GIGYF2: variants seen among roughly 807,000 people sequenced by gnomAD.
GIGYF2 encodes GRB10-interacting GYF protein 2.
GIGYF2 carries 25 observed loss-of-function variants against 208.1 expected under a neutral mutation model. That is an observed-to-expected ratio of 0.12 (90% confidence interval 0.09 to 0.17). The LOEUF (loss-of-function observed/expected upper bound fraction) is 0.17. Among genes scored for constraint, GIGYF2 ranks in the 10% least tolerant of loss-of-function variants. GIGYF2 has a pLI of 1.00. For missense variants in GIGYF2, 1,302 were observed against 1,579.4 expected (o/e 0.82, Z 2.98); for synonymous variants, 534 against 543.8 (o/e 0.98, Z 0.25).
chr2:232,740,756 T>C (rs1188121337), intron 3 of GIGYF2, among the ~76,000 whole-genome samples: 1 of 152,176 alleles, frequency 6.6e-6, no homozygotes, highest in African/African-American at 2.4e-5. Flanking sequence ...AAACCTGAGA[T>C]TGATAGCTTC....
intron 21 of GIGYF2, among the ~76,000 whole-genome samples, chr2:232,822,710 A>G (rs1701130004): frequency 6.6e-6 from 1 of 152,112 alleles, no homozygotes; most frequent in Non-Finnish European, 1.5e-5. Flanking sequence ...TTCCAGTTCT[A>G]TGGAATTGGA....
intron 15 of GIGYF2, among the ~76,000 whole-genome samples, chr2:232,807,245 G>A (rs1002556191): frequency 1.3e-5 from 2 of 152,152 alleles, no homozygotes; most frequent in African/African-American, 4.8e-5. Context: ...CCATGGCCGG[G>A]CACATTGGCT....
At chr2:232,801,136 C>A (rs1406624658) in intron 14 of GIGYF2, among the ~76,000 whole-genome samples, 4 of 152,206 alleles carry the variant, frequency 2.6e-5, no homozygotes, top group African/African-American at 9.7e-5. Context: ...GTAAGTGGTA[C>A]TCCCTGTCTT....
chr2:232,723,725 G>GC (rs779789723), intron 2 of GIGYF2, among the ~76,000 whole-genome samples: 1 of 109,472 alleles, frequency 9.1e-6, no homozygotes, highest in African/African-American at 3.5e-5. Context: ...ACTGTGCCCG[G>GC]CCTTTTTTTT....
chr2:232,788,935 A>T (rs990533990), intron 9 of GIGYF2, among the ~76,000 whole-genome samples: 4 of 152,162 alleles, frequency 2.6e-5, no homozygotes, highest in African/African-American at 9.7e-5. Flanking sequence ...AATGCATTTT[A>T]AAAAAGAATA....
rs752923734 is a variant in GIGYF2 at position 232,811,251 on chromosome 2, T to C, written c.1906T>C (p.Tyr636His). ...QYQQFLIQQQ[Y>H]AQVLAQQQKA... is the part of the protein sequence containing the mutation. The stretch of plus-strand genomic sequence containing the variant: ...TTTTTTTACTTTTTGAAGACAACAA[T>C]ATGCACAGGTTTTGGCCCAACAGCA... Residue 636 changes from tyrosine to histidine, a missense_variant, in exon 17 of 29, where the codon TAT becomes CAT. Transcript: ENST00000373563. 6.3e-7 allele frequency: 1 copy of C among 1,587,262 alleles called. No homozygotes were observed. Among genetic ancestry groups the C allele is most frequent in the East Asian group, 2.2e-5 (1 of 44,728 alleles).
intron 2 of GIGYF2, among the ~76,000 whole-genome samples, chr2:232,721,565 C>A (rs1696943982): frequency 6.6e-6 from 1 of 152,152 alleles, no homozygotes; most frequent in African/African-American, 2.4e-5. Context: ...ATTAGGGTGG[C>A]CCTTCTGCCT....
intron 18 of GIGYF2, among the ~76,000 whole-genome samples, chr2:232,814,584 A>C (rs992405468): frequency 1.0e-4 from 13 of 128,438 alleles, no homozygotes; most frequent in Non-Finnish European, 2.2e-4. Context: ...CCCCAAAAAA[A>C]AAGTACCTTC....
At chr2:232,832,693 A>G (rs889338552) in intron 21 of GIGYF2, among the ~76,000 whole-genome samples, 164 bp from the exon 22 acceptor site, 2 of 152,210 alleles carry the variant, frequency 1.3e-5, no homozygotes, top group Non-Finnish European at 2.9e-5. Context: ...TACTATAAAT[A>G]TATTTTAAAA....
chr2:232,808,926 C>A (rs900657145), intron 15 of GIGYF2, among the ~76,000 whole-genome samples: 2 of 152,038 alleles, frequency 1.3e-5, no homozygotes, highest in African/African-American at 4.8e-5. Flanking sequence ...TATATACATA[C>A]ATATACATAT....
intron 13 of GIGYF2, among the ~76,000 whole-genome samples, chr2:232,795,639 G>A (rs747518142): frequency 1.3e-5 from 2 of 152,144 alleles, no homozygotes; most frequent in Non-Finnish European, 2.9e-5. Context: ...TGCATGTCCT[G>A]TAGTCCTAGC....
chr2:232,719,365 C>T (rs1450867422), intron 2 of GIGYF2, among the ~76,000 whole-genome samples: 2 of 152,130 alleles, frequency 1.3e-5, no homozygotes, highest in South Asian at 2.1e-4. Flanking sequence ...GGACTTACTA[C>T]GTAGATTTGT....
intron 2 of GIGYF2, among the ~76,000 whole-genome samples, chr2:232,716,374 GTTTTTTTTTTT>G (rs397988241): frequency 2.0e-5 from 2 of 100,266 alleles, no homozygotes; most frequent in Admixed American, 2.3e-4. Flanking sequence ...GGTGTTATTT[GTTTTTTTTTTT>G]TTTTTTTTTT....
chr2:232,814,358 C>T (rs1244661149), intron 18 of GIGYF2, among the ~76,000 whole-genome samples: 5 of 151,738 alleles, frequency 3.3e-5, no homozygotes, highest in African/African-American at 9.7e-5. Flanking sequence ...GTCAGAAGTT[C>T]GAGACCAGCC....
intron 1 of GIGYF2, among the ~76,000 whole-genome samples, chr2:232,701,855 G>C (rs1695860874): frequency 6.6e-6 from 1 of 152,054 alleles, no homozygotes; most frequent in African/African-American, 2.4e-5. Flanking sequence ...AGGAGGAAAG[G>C]GAAGAAGAAA....
At chr2:232,711,251 A>G (rs1696383823) in intron 2 of GIGYF2, among the ~76,000 whole-genome samples, 1 of 113,294 alleles carries the variant, frequency 8.8e-6, no homozygotes, top group Non-Finnish European at 1.8e-5. Flanking sequence ...ATGCCTGGCT[A>G]ATCTTTTTTT....
chr2:232,740,463 C>A (rs1424832427), intron 3 of GIGYF2, among the ~76,000 whole-genome samples: 1 of 152,148 alleles, frequency 6.6e-6, no homozygotes, highest in Non-Finnish European at 1.5e-5. Context: ...CCAGGTCTTT[C>A]CTTGCAAAGA....
intron 21 of GIGYF2, among the ~76,000 whole-genome samples, chr2:232,822,022 G>T (rs2106397778): frequency 1.4e-5 from 2 of 147,580 alleles, no homozygotes; most frequent in Admixed American, 6.8e-5. Flanking sequence ...ACACTGATTT[G>T]ATTACTACTG....
At chr2:232,706,627 A>T (rs1260235265) in intron 2 of GIGYF2, among the ~76,000 whole-genome samples, 2 of 151,988 alleles carry the variant, frequency 1.3e-5, no homozygotes, top group African/African-American at 4.8e-5. Flanking sequence ...AAAATACAAA[A>T]ATTAGCCGGG....
Sources: gnomAD v4.1 joint callset for allele counts (sites outside exome capture counted in the v4.1 genomes callset) on GRCh38, gnomAD v4.1.1 for gene constraint, MANE v1.5 for transcripts, NCBI Gene and HGNC (gene_info 2026-07-23, HGNC 2026-07-21) for gene names.